The following TMBIM4 variants were observed in gnomAD, a reference collection of about 807,000 sequenced individuals.
TMBIM4 encodes the protein protein lifeguard 4.
A neutral mutation model predicts 27.7 loss-of-function variants in TMBIM4; 28 were observed. That is an observed-to-expected ratio of 1.01 (90% CI 0.75 to 1.38). The LOEUF (loss-of-function observed/expected upper bound fraction) is 1.38, where lower values mean the gene tolerates loss of function less well. Ranked by LOEUF, TMBIM4 falls within the 40% of genes most tolerant of loss-of-function variation. The probability of loss-of-function intolerance (pLI) is 0.00; values close to 1 mark genes in which losing one functional copy is unlikely to be tolerated. For synonymous variants in TMBIM4, 115 were observed against 113.1 expected (o/e 1.02, Z -0.11); for missense variants, 265 against 277.5 (o/e 0.95, Z 0.32).
chr12:66,147,877 TATAAC>T (rs2051777239), intron 4 of TMBIM4, 26 bp downstream of exon 4: 11 of 1,593,294 alleles, frequency 6.9e-6, no homozygotes, highest in Non-Finnish European at 9.4e-6. Flanking sequence ...AAAAAGTTAT[TATAAC>T]ATATAGAAAT....
At chr12:66,149,735 G>C (rs1330911514) in intron 3 of TMBIM4, among the ~76,000 whole-genome samples, 1 of 152,118 alleles carries the variant, frequency 6.6e-6, no homozygotes, top group African/African-American at 2.4e-5. Context: ...GTAGCTCAGA[G>C]TGTCTTTGGT....
chr12:66,155,352 G>C (rs2051916268), intron 1 of TMBIM4, among the ~76,000 whole-genome samples: 1 of 151,754 alleles, frequency 6.6e-6, no homozygotes, highest in Admixed American at 6.6e-5. Context: ...GAGAGAGAGA[G>C]AGAGAGAGGC....
chr12:66,167,592 A>G (rs1350692230), intron 1 of TMBIM4, among the ~76,000 whole-genome samples: 1 of 152,232 alleles, frequency 6.6e-6, no homozygotes, highest in African/African-American at 2.4e-5. Context: ...CATTTTAAAA[A>G]GAAAGAAAAG....
chr12:66,136,745 C>T lies in TMBIM4; in HGVS notation c.*1215G>A, dbSNP rs2136838721. The T allele has an allele frequency of 6.6e-6, 1 of 152,296 alleles. No homozygotes were observed. Among genetic ancestry groups the T allele is most frequent in the African/African-American group, 2.4e-5 (1 of 41,562 alleles). The allele number at this position is 152,296 out of a possible 1,614,324, so 9.4% of individuals were successfully genotyped here. On this transcript the variant is annotated 3_prime_UTR_variant, in exon 7 of 7. Transcript: ENST00000358230. ...TCAAAGGAAACCAACCCTGCTAACA[C>T]CTTGATCTTGGACTTTTAGCCTCCA...
intron 4 of TMBIM4, 63 bp downstream of exon 4, chr12:66,147,845 A>G (rs566436430): frequency 1.5e-6 from 2 of 1,377,480 alleles, no homozygotes; most frequent in Non-Finnish European, 2.0e-6. Flanking sequence ...ATACCTTTTT[A>G]CCTGAAAGAT....
chr12:66,167,701 G>A (rs145701312), intron 1 of TMBIM4, among the ~76,000 whole-genome samples: 4 of 152,254 alleles, frequency 2.6e-5, no homozygotes, highest in East Asian at 1.9e-4. Context: ...CAGTATGGCC[G>A]TTCCTTAAAT....
intron 1 of TMBIM4, 36 bp downstream of exon 1, chr12:66,169,819 A>T (rs1442647938): frequency 6.8e-7 from 1 of 1,479,072 alleles, no homozygotes; most frequent in Non-Finnish European, 9.0e-7. Flanking sequence ...CAGTGCAGAC[A>T]AGCGGCTGGG....
At chr12:66,138,611 G>A in intron 6 of TMBIM4, 113 bp downstream of exon 6, 1 of 733,446 alleles carries the variant, frequency 1.4e-6, no homozygotes, top group Non-Finnish European at 2.1e-6. Flanking sequence ...AAATGTTCTG[G>A]ATAATTATAA....
At chr12:66,147,863 C>T (rs2051776883) in intron 4 of TMBIM4, 45 bp downstream of exon 4, 2 of 1,537,864 alleles carry the variant, frequency 1.3e-6, no homozygotes, top group East Asian at 2.3e-5. Context: ...GATCTATCTA[C>T]ATTAAAAAGT....
At chr12:66,166,810 T>C (rs896871213) in intron 1 of TMBIM4, among the ~76,000 whole-genome samples, 1 of 152,190 alleles carries the variant, frequency 6.6e-6, no homozygotes, top group African/African-American at 2.4e-5. Flanking sequence ...CCCAAATGAG[T>C]TGAAAACTTA....
intron 1 of TMBIM4, among the ~76,000 whole-genome samples, chr12:66,158,736 C>A (rs1380201841): frequency 6.6e-6 from 1 of 152,090 alleles, no homozygotes; most frequent in Non-Finnish European, 1.5e-5. Flanking sequence ...TGCTAAGACA[C>A]TTTTGGGTGT....
chr12:66,154,289 A>G (rs1354472875), intron 1 of TMBIM4, among the ~76,000 whole-genome samples: 2 of 152,116 alleles, frequency 1.3e-5, no homozygotes, highest in Non-Finnish European at 2.9e-5. Flanking sequence ...AACCCTAAAC[A>G]TACCATTAAT....
At chr12:66,153,590 C>A in intron 1 of TMBIM4, 142 bp from the exon 2 acceptor site, 1 of 451,754 alleles carries the variant, frequency 2.2e-6, no homozygotes, top group South Asian at 3.7e-5. Flanking sequence ...ATAACTAAAA[C>A]TAGACAAGAA....
chr12:66,136,465 GT>G lies in TMBIM4; in HGVS notation c.*1494del, dbSNP rs2051582352. On this transcript the variant is annotated 3_prime_UTR_variant, in exon 7 of 7. Coordinates refer to ENST00000358230, the MANE Select transcript of TMBIM4 (RefSeq NM_016056.4). Reference sequence around the variant, plus strand: ...AATAGCTGGGAAATACTTAGGGGGTGTTATGGGCTGAGTTGTAGTCCCCCCA... The same window carrying G: ...AATAGCTGGGAAATACTTAGGGGGTGTATGGGCTGAGTTGTAGTCCCCCCA... 6.5e-6 allele frequency: 1 copy of G among 154,310 alleles called. No homozygotes were observed. The highest frequency in any genetic ancestry group is 6.5e-5 in the Admixed American group (1 of 15,282). 9.6% of individuals were successfully genotyped at this position (154,310 alleles called of 1,614,324 possible). A position where few individuals can be genotyped will look rare whatever the true frequency, so the allele number is the denominator to read the frequency against.
intron 5 of TMBIM4, among the ~76,000 whole-genome samples, chr12:66,143,177 T>G (rs1289227807): frequency 6.6e-6 from 1 of 152,208 alleles, no homozygotes; most frequent in Non-Finnish European, 1.5e-5. Flanking sequence ...ATATTCTGCC[T>G]AAGTTGTTAG....
chr12:66,169,559 T>C, intron 1 of TMBIM4: 6 of 482,098 alleles, frequency 1.2e-5, no homozygotes, highest in Non-Finnish European at 2.2e-5. Context: ...GCGGTTTCCA[T>C]CTGTCCCTTC....
intron 1 of TMBIM4, among the ~76,000 whole-genome samples, chr12:66,167,586 T>TC (rs2052152843): frequency 6.6e-6 from 1 of 152,156 alleles, no homozygotes; most frequent in Non-Finnish European, 1.5e-5. Flanking sequence ...TATTTTCATT[T>TC]TAAAAAGAAA....
Position 66,145,863 on chromosome 12 carries a change from CCTT to C in TMBIM4, c.439_441del (p.Lys147del). Reference sequence around the variant, plus strand: ...TACCCTGCTCCAAATTTGCTGAAATCCTTCTTAGATTGTAGAGTATACACAGTC... The same window carrying C: ...TACCCTGCTCCAAATTTGCTGAAATCCTTAGATTGTAGAGTATACACAGTC... On this transcript the variant is annotated inframe_deletion, in exon 5 of 7. Transcript: ENST00000358230. 6.3e-7 allele frequency: 1 copy of C among 1,598,950 alleles called. No individual in the cohort carries two copies. Among genetic ancestry groups the C allele is most frequent in the Non-Finnish European group, 8.5e-7 (1 of 1,170,098 alleles).
intron 1 of TMBIM4, among the ~76,000 whole-genome samples, chr12:66,165,681 G>A (rs549663469): frequency 1.3e-5 from 2 of 152,006 alleles, no homozygotes; most frequent in African/African-American, 4.8e-5. Flanking sequence ...TGTATATTTT[G>A]GATAACAGTC....
Sources: allele counts gnomAD v4.1 joint callset (sites outside exome capture counted in the v4.1 genomes callset), GRCh38; gene constraint gnomAD v4.1.1; transcripts MANE v1.5; gene names NCBI Gene and HGNC (gene_info 2026-07-23, HGNC 2026-07-21).